Variants in AFF1 observed in about 807,000 individuals in gnomAD.
AFF1 encodes the protein AF4/FMR2 family member 1.
A neutral mutation model predicts 121.7 loss-of-function variants in AFF1; 48 were observed. The ratio of observed to expected loss-of-function variants is 0.39; its 90% confidence interval spans 0.31 to 0.50. The LOEUF (loss-of-function observed/expected upper bound fraction) is 0.50, where lower values mean the gene tolerates loss of function less well. Ranked by LOEUF, AFF1 falls within the 20% of genes least tolerant of loss-of-function variation. The pLI is 0.76. For synonymous variants in AFF1, 613 were observed against 563.0 expected, an observed-to-expected ratio of 1.09 and a Z score of -1.26; for missense variants, 1,523 against 1,511.7, an observed-to-expected ratio of 1.01 and a Z score of -0.12.
Position 87,138,773 on chromosome 4 carries a change from T to C in AFF1, c.*3072T>C, listed in dbSNP as rs1729499402. On this transcript the variant is annotated 3_prime_UTR_variant, in exon 21 of 21. Coordinates refer to ENST00000395146, the MANE Select transcript of AFF1 (RefSeq NM_001166693.3). ...AGGAGGAGAATTTGACTGTCTGATA[T>C]TATGATTTGATTACAATACTGAATG... The C allele has an allele frequency of 4.3e-6, 1 of 230,404 alleles. No homozygotes were observed. Among genetic ancestry groups the C allele is most frequent in the African/African-American group, 2.2e-5 (1 of 45,214 alleles). 14.3% of individuals were successfully genotyped at this position (230,404 alleles called of 1,614,324 possible). A position where few individuals can be genotyped will look rare whatever the true frequency, so the allele number is the denominator to read the frequency against.
intron 2 of AFF1, among the ~76,000 whole-genome samples, chr4:87,012,528 T>A (rs965912798): frequency 5.3e-5 from 8 of 152,194 alleles, no homozygotes; most frequent in Admixed American, 5.2e-4. Flanking sequence ...ACGGGTTAAA[T>A]GATTACCAAT....
intron 2 of AFF1, among the ~76,000 whole-genome samples, chr4:86,984,765 G>T (rs914794009): frequency 6.6e-6 from 1 of 151,972 alleles, no homozygotes; most frequent in African/African-American, 2.4e-5. Flanking sequence ...GCAATATCTT[G>T]TCTATATAAA....
intron 2 of AFF1, chr4:87,007,344 G>A (rs1232576084): frequency 1.2e-6 from 2 of 1,610,008 alleles, no homozygotes; most frequent in Non-Finnish European, 1.7e-6. Flanking sequence ...CGCGGCGCTG[G>A]CAGCAGGGCC....
intron 2 of AFF1, among the ~76,000 whole-genome samples, chr4:86,951,274 G>C (rs914531736): frequency 9.2e-5 from 14 of 151,774 alleles, no homozygotes; most frequent in African/African-American, 2.9e-4. Flanking sequence ...CCACGATGTT[G>C]ATTCCCCGCC....
chr4:87,022,760 T>C (rs1169380505), intron 2 of AFF1, among the ~76,000 whole-genome samples: 4 of 150,252 alleles, frequency 2.7e-5, no homozygotes, highest in African/African-American at 4.9e-5. Flanking sequence ...ATATATATAA[T>C]ATCATGTGTG....
At position 87,094,947 on chromosome 4, in the gene AFF1, A is replaced by G. The variant is rs143215827; in HGVS notation, c.1261A>G (p.Asn421Asp). The part of the protein sequence containing the change: ...QYDTSSKTHS[N>D]SQQGTSSMLE... ...TGATACATCTTCAAAAACTCACTCAAATTCTCAGCAAGGAACGTCATCGTA... is the reference window on the plus strand; with the variant it reads ...TGATACATCTTCAAAAACTCACTCAGATTCTCAGCAAGGAACGTCATCGTA... Residue 421 changes from asparagine (N) to aspartate (D), a missense_variant, in exon 8 of 21, where the codon AAT becomes GAT. Asn to Asp is a conservative substitution (Grantham distance 23). Coordinates refer to ENST00000395146, the MANE Select transcript of AFF1 (RefSeq NM_001166693.3). 1.7e-5 allele frequency: 28 copies of G among 1,613,840 alleles called. No individual in the cohort carries two copies. Among genetic ancestry groups the G allele is most frequent in the Non-Finnish European group, 2.3e-5 (27 of 1,179,814 alleles).
intron 2 of AFF1, among the ~76,000 whole-genome samples, chr4:87,028,032 G>T (rs115887961): frequency 0.039 from 5,879 of 151,380 alleles, 193 homozygotes; most frequent in African/African-American, 0.092. Flanking sequence ...TTATTTTTCA[G>T]ATTTTAAGAT....
chr4:87,034,563 T>G (rs528029270), intron 2 of AFF1, among the ~76,000 whole-genome samples: 1 of 152,392 alleles, frequency 6.6e-6, no homozygotes, highest in East Asian at 1.9e-4. Context: ...ACTAAATGTG[T>G]ATTTTCTCTA....
At chr4:87,024,840 C>T (rs369231289) in intron 2 of AFF1, among the ~76,000 whole-genome samples, 15 of 152,178 alleles carry the variant, frequency 9.9e-5, no homozygotes, top group African/African-American at 2.7e-4. Flanking sequence ...GTGATCCACC[C>T]GCCTCGGCCT....
chr4:86,982,871 AAAAAG>A (rs1387986902), intron 2 of AFF1, among the ~76,000 whole-genome samples: 9 of 144,782 alleles, frequency 6.2e-5, no homozygotes, highest in South Asian at 2.1e-4. Flanking sequence ...AAAAAAAAAA[AAAAAG>A]GAAGCTTGTT....
intron 13 of AFF1, among the ~76,000 whole-genome samples, chr4:87,125,646 C>G (rs541775786): frequency 6.6e-6 from 1 of 152,110 alleles, no homozygotes; most frequent in African/African-American, 2.4e-5. Flanking sequence ...GCCAGGAAGA[C>G]GTAAATATAA....
chr4:87,074,649 T>C (rs577619700), intron 4 of AFF1, among the ~76,000 whole-genome samples: 2 of 152,338 alleles, frequency 1.3e-5, no homozygotes, highest in East Asian at 1.9e-4. Flanking sequence ...AGTTGACATA[T>C]TGTCATAATA....
chr4:86,951,228 C>A (rs1201122953), intron 2 of AFF1, among the ~76,000 whole-genome samples: 1 of 152,142 alleles, frequency 6.6e-6, no homozygotes, highest in Non-Finnish European at 1.5e-5. Context: ...TTCAGAACTT[C>A]CCAATTGGTG....
At chr4:87,007,315 G>C (rs1726249459) in intron 2 of AFF1, 3 of 1,593,654 alleles carry the variant, frequency 1.9e-6, no homozygotes. Context: ...GTCCCCGCCC[G>C]GCTCCGCCAA....
At chr4:87,126,368 G>A in intron 14 of AFF1, 32 bp downstream of exon 14, 2 of 1,585,760 alleles carry the variant, frequency 1.3e-6, no homozygotes, top group Non-Finnish European at 1.7e-6. Flanking sequence ...TCTGTAAGAT[G>A]GGATGCATTG....
intron 4 of AFF1, among the ~76,000 whole-genome samples, chr4:87,079,140 C>G (rs983647587): frequency 6.7e-6 from 1 of 148,640 alleles, no homozygotes; most frequent in African/African-American, 2.6e-5. Flanking sequence ...CCTTTGTGCT[C>G]TCTCTATTTC....
intron 8 of AFF1, among the ~76,000 whole-genome samples, chr4:87,096,390 C>CTTTT (rs11301562): frequency 4.4e-5 from 3 of 68,292 alleles, no homozygotes; most frequent in African/African-American, 6.1e-5. Flanking sequence ...ACACACCCGG[C>CTTTT]TTTTTTTTTT....
At chr4:87,043,182 CACTG>C (rs1364927756) in intron 2 of AFF1, among the ~76,000 whole-genome samples, 2 of 152,204 alleles carry the variant, frequency 1.3e-5, no homozygotes, top group South Asian at 2.1e-4. Context: ...AGGCTGTGAA[CACTG>C]ACTGGCTATA....
intron 2 of AFF1, among the ~76,000 whole-genome samples, chr4:87,015,917 A>G (rs910620291): frequency 2.0e-5 from 3 of 152,258 alleles, no homozygotes; most frequent in South Asian, 2.1e-4. Context: ...GTGGTCGCTC[A>G]TGCCTGTAAT....
Sources: allele counts gnomAD v4.1 joint callset (sites outside exome capture counted in the v4.1 genomes callset), GRCh38; gene constraint gnomAD v4.1.1; transcripts MANE v1.5; gene names NCBI Gene and HGNC (gene_info 2026-07-23, HGNC 2026-07-21).